The following PAX2 variants were observed in gnomAD, a reference collection of about 807,000 sequenced individuals.
The protein encoded by PAX2 is paired box protein Pax-2.
Under a neutral mutation model 41.7 loss-of-function variants are expected in PAX2, and 9 were observed. The observed-to-expected ratio is 0.22, with a 90% CI of 0.13 to 0.38. The LOEUF is 0.38. Ranked by LOEUF, PAX2 falls within the 10% of genes least tolerant of loss-of-function variation. PAX2 has a pLI of 1.00. For missense variants in PAX2, 418 were observed against 531.6 expected (o/e 0.79, Z 2.10); for synonymous variants, 221 against 212.7 (o/e 1.04, Z -0.34).
chr10:100,746,146 G>A lies in PAX2; in HGVS notation c.-115G>A. ...CCCGCGCGCCCCGCAGCAGCCGGGC[G>A]TTCACTCATCCTCCCTCCCCCACCG... On this transcript the variant is annotated 5_prime_UTR_variant, in exon 1 of 10. Transcript: ENST00000355243. 6.3e-7 allele frequency: 1 copy of A among 1,585,962 alleles called. No individual in the cohort carries two copies. The highest frequency in any genetic ancestry group is 1.1e-5 in the South Asian group (1 of 88,938).
At chr10:100,771,043 C>T (rs1008783960) in intron 3 of PAX2, among the ~76,000 whole-genome samples, 2 of 152,176 alleles carry the variant, frequency 1.3e-5, no homozygotes, top group Non-Finnish European at 1.5e-5. Context: ...AAGATGGGAC[C>T]CGGTGATTTG....
Position 100,750,594 on chromosome 10 carries a change from T to TCGGC in PAX2, c.213-96_213-93dup, listed in dbSNP as rs1845404017. The TCGGC allele has an allele frequency of 5.5e-6, 6 of 1,083,188 alleles. No homozygotes were observed. In the Admixed American group the frequency reaches 6.0e-5, roughly 11 times the overall value. The allele number at this position is 1,083,188 out of a possible 1,614,324, so 67.1% of individuals were successfully genotyped here. On this transcript the variant is annotated intron_variant, in intron 2 of 9. Coordinates refer to ENST00000355243, the MANE Select transcript of PAX2 (RefSeq NM_000278.5). The surrounding 1 kb of genome is among the most constrained non-coding windows in gnomAD (Gnocchi z 4.1). ...GGCCTTTTCCCTCCACTCCGCTGCC[T>TCGGC]CGGCCGGGCAGGAGAGTGGCTCAGC... is the stretch of plus-strand genomic sequence containing the variant.
At chr10:100,810,233 A>G (rs1847945493) in intron 7 of PAX2, among the ~76,000 whole-genome samples, 1 of 151,888 alleles carries the variant, frequency 6.6e-6, no homozygotes, top group Non-Finnish European at 1.5e-5. Flanking sequence ...GGCACCGCCC[A>G]CTCTAGGACT....
chr10:100,749,700 C>A, intron 1 of PAX2, 46 bp from the exon 2 acceptor site: 10 of 1,589,490 alleles, frequency 6.3e-6, no homozygotes, highest in Non-Finnish European at 8.6e-6. Flanking sequence ...AATGGCCGGT[C>A]CCTGCTGTGT....
intron 5 of PAX2, among the ~76,000 whole-genome samples, chr10:100,790,424 A>G (rs958912391): frequency 6.6e-6 from 1 of 152,158 alleles, no homozygotes; most frequent in African/African-American, 2.4e-5. Context: ...TCACTTGGCA[A>G]CTACCTTCCA....
intron 1 of PAX2, chr10:100,749,328 C>G: frequency 2.0e-6 from 2 of 1,009,928 alleles, no homozygotes; most frequent in Non-Finnish European, 2.4e-6. Context: ...GGACAGCTCC[C>G]GGGTTGCCTG....
upstream of PAX2, among the ~76,000 whole-genome samples, chr10:100,741,112 AAGGGGG>A (rs1844935982): frequency 1.3e-5 from 2 of 152,108 alleles, no homozygotes; most frequent in African/African-American, 4.8e-5. Context: ...AGCTAGATTA[AAGGGGG>A]AGGGATCCTG....
upstream of PAX2, among the ~76,000 whole-genome samples, chr10:100,744,538 C>T (rs1845078197): frequency 6.6e-6 from 1 of 152,212 alleles, no homozygotes; most frequent in Non-Finnish European, 1.5e-5. Flanking sequence ...TGGGGACGTC[C>T]CCGTGGTTGC....
chr10:100,738,271 C>A (rs980214298), intron 1 of PAX2, among the ~76,000 whole-genome samples: 1 of 152,188 alleles, frequency 6.6e-6, no homozygotes, highest in Non-Finnish European at 1.5e-5. Context: ...TTTGCCAGGC[C>A]TCCTCACCCC....
chr10:100,744,220 G>A (rs1379083057), upstream of PAX2, among the ~76,000 whole-genome samples: 1 of 152,254 alleles, frequency 6.6e-6, no homozygotes, highest in Non-Finnish European at 1.5e-5. Context: ...GGCGCCCGGA[G>A]CTGCAGACGG....
intron 7 of PAX2, among the ~76,000 whole-genome samples, chr10:100,817,157 AT>A (rs1451987379): frequency 2.0e-5 from 3 of 151,644 alleles, no homozygotes; most frequent in Non-Finnish European, 4.4e-5. Context: ...TCCAATCTTC[AT>A]TTGTGATTTG....
At chr10:100,744,657 T>C (rs1179696758), upstream of PAX2, among the ~76,000 whole-genome samples, 1 of 152,120 alleles carries the variant, frequency 6.6e-6, no homozygotes, top group Non-Finnish European at 1.5e-5. Context: ...GTCTCCCACA[T>C]CCTCTGCCGC....
At chr10:100,782,558 C>T (rs1397585591) in intron 5 of PAX2, among the ~76,000 whole-genome samples, 2 of 152,212 alleles carry the variant, frequency 1.3e-5, no homozygotes, top group African/African-American at 4.8e-5. Context: ...AGGCCAGGCC[C>T]CCAGCGGAAG....
At chr10:100,767,325 T>C (rs1267433353) in intron 3 of PAX2, among the ~76,000 whole-genome samples, 1 of 152,202 alleles carries the variant, frequency 6.6e-6, no homozygotes, top group Non-Finnish European at 1.5e-5. Context: ...CTCCAGCAGG[T>C]GGACGTGTCC....
At chr10:100,819,918 G>C (rs1356872801) in intron 7 of PAX2, among the ~76,000 whole-genome samples, 1 of 152,248 alleles carries the variant, frequency 6.6e-6, no homozygotes, top group Non-Finnish European at 1.5e-5. Flanking sequence ...AAAGTGCACT[G>C]TCTGATGCAG....
intron 5 of PAX2, chr10:100,786,894 C>T (rs1257373530): frequency 8.6e-7 from 1 of 1,168,744 alleles, no homozygotes; most frequent in Non-Finnish European, 1.2e-6. Context: ...CTTCTGCCTG[C>T]CTGTCTTTCG....
In PAX2 at chr10:100,827,165, G is replaced by T. The variant is rs1294815483; in HGVS notation, c.1108+70G>T. 5 of 1,293,244 alleles carry T rather than the reference G, an allele frequency of 3.9e-6. No homozygotes were observed. The highest frequency in any genetic ancestry group is 5.6e-6 in the Non-Finnish European group (5 of 895,214). 80.1% of individuals were successfully genotyped at this position (1,293,244 alleles called of 1,614,324 possible). ...GGCTTCTGGGCACGGTCCCACTCCC[G>T]GCGACCCGACCTCTGGGGACCCGGC... On this transcript the variant is annotated intron_variant, in intron 9 of 9. Transcript: ENST00000355243. The surrounding 1 kb of genome is among the most constrained non-coding windows in gnomAD (Gnocchi z 8.5).
At chr10:100,737,743 C>T (rs1260534938) in intron 1 of PAX2, among the ~76,000 whole-genome samples, 2 of 152,230 alleles carry the variant, frequency 1.3e-5, no homozygotes, top group African/African-American at 2.4e-5. Flanking sequence ...CCCTGGAGGC[C>T]CTGCCCCCCT....
At chr10:100,819,206 C>G (rs2133974982) in intron 7 of PAX2, among the ~76,000 whole-genome samples, 1 of 151,738 alleles carries the variant, frequency 6.6e-6, no homozygotes, top group African/African-American at 2.4e-5. Flanking sequence ...GGAGATTGCA[C>G]CACTGCACTC....
Sources: gnomAD v4.1 joint callset for allele counts (sites outside exome capture counted in the v4.1 genomes callset) on GRCh38, gnomAD v4.1.1 for gene constraint, Gnocchi (gnomAD v3.1) non-coding constraint, MANE v1.5 for transcripts, NCBI Gene and HGNC (gene_info 2026-07-23, HGNC 2026-07-21) for gene names.